Variants in UBL3 observed in about 807,000 individuals in gnomAD.
UBL3 encodes the protein ubiquitin like 3.
UBL3 carries 6 observed loss-of-function variants against 18.4 expected under a neutral mutation model. The ratio of observed to expected loss-of-function variants is 0.33; its 90% CI spans 0.18 to 0.64. UBL3 has a LOEUF of 0.64. Ranked by LOEUF, UBL3 falls within the 30% of genes least tolerant of loss-of-function variation. The pLI is 0.76. For synonymous variants in UBL3, 49 were observed against 46.6 expected, an observed-to-expected ratio of 1.05 and a Z score of -0.21; for missense variants, 109 against 142.9, an observed-to-expected ratio of 0.76 and a Z score of 1.21.
At chr13:29,772,969 T>TA (rs1364156150) in intron 2 of UBL3, among the ~76,000 whole-genome samples, 1 of 152,108 alleles carries the variant, frequency 6.6e-6, no homozygotes, top group Admixed American at 6.5e-5. Context: ...TTAAGGACAC[T>TA]AGTGTTATGA....
intron 3 of UBL3, among the ~76,000 whole-genome samples, chr13:29,769,733 A>G (rs1876788413): frequency 6.6e-6 from 1 of 152,222 alleles, no homozygotes; most frequent in Admixed American, 6.5e-5. Context: ...CTTTAATGAA[A>G]TGAAACTCTA....
At chr13:29,840,574 G>A (rs1879072764) in intron 1 of UBL3, among the ~76,000 whole-genome samples, 1 of 151,816 alleles carries the variant, frequency 6.6e-6, no homozygotes, top group South Asian at 2.1e-4. Flanking sequence ...ACTCAATGAA[G>A]TATTATCTAG....
At chr13:29,792,135 G>C (rs1246924970) in intron 1 of UBL3, among the ~76,000 whole-genome samples, 1 of 152,150 alleles carries the variant, frequency 6.6e-6, no homozygotes, top group Non-Finnish European at 1.5e-5. Context: ...TTAATACTTT[G>C]AAAGGATGAA....
chr13:29,780,367 A>AAAAAAT (rs1359464345), intron 1 of UBL3, among the ~76,000 whole-genome samples: 17 of 103,282 alleles, frequency 1.6e-4, no homozygotes, highest in East Asian at 7.7e-4. Flanking sequence ...AAAAAAAAAA[A>AAAAAAT]ATATATATAT....
At chr13:29,778,602 A>C (rs1008021005) in intron 1 of UBL3, among the ~76,000 whole-genome samples, 1 of 152,098 alleles carries the variant, frequency 6.6e-6, no homozygotes, top group Non-Finnish European at 1.5e-5. Flanking sequence ...TTTAGTTACT[A>C]ATTTTTTTTC....
chr13:29,846,263 ATGT>A (rs1879226601), intron 1 of UBL3, among the ~76,000 whole-genome samples: 1 of 152,142 alleles, frequency 6.6e-6, no homozygotes, highest in Admixed American at 6.5e-5. Context: ...CTACACTAAG[ATGT>A]TATTAAATCT....
intron 1 of UBL3, among the ~76,000 whole-genome samples, chr13:29,788,878 CGCGCGCACGCGCACGTGTGTGCGT>C (rs762278869): frequency 0.046 from 1,408 of 30,920 alleles, 9 homozygotes; most frequent in Non-Finnish European, 0.093. Flanking sequence ...TGTGCGCGCG[CGCGCGCACGCGCACGTGTGTGCGT>C]GTGTGTGTGT....
chr13:29,824,011 T>A (rs1878550674), intron 1 of UBL3, among the ~76,000 whole-genome samples: 1 of 152,174 alleles, frequency 6.6e-6, no homozygotes, highest in African/African-American at 2.4e-5. Context: ...TCCAGCTTCA[T>A]CCATGTCCCT....
At chr13:29,827,581 A>G (rs1045400114) in intron 1 of UBL3, among the ~76,000 whole-genome samples, 1 of 152,140 alleles carries the variant, frequency 6.6e-6, no homozygotes. Flanking sequence ...GTCTCTGCAC[A>G]TGAGATGGGT....
chr13:29,849,635 C>G lies in UBL3; in HGVS notation c.-97G>C. 1 of 1,506,782 alleles carries G rather than the reference C, an allele frequency of 6.6e-7. No individual in the cohort carries two copies. Among genetic ancestry groups the G allele is most frequent in the South Asian group, 1.1e-5 (1 of 88,338 alleles). 93.3% of individuals were successfully genotyped at this position (1,506,782 alleles called of 1,614,324 possible). A position where few individuals can be genotyped will look rare whatever the true frequency, so the allele number is the denominator to read the frequency against. ...TTACAGAAATAAACCACGATTTTGACTGGTTCGTGATGTGCTTTCTCCCCC... is the reference window on the plus strand; with the variant it reads ...TTACAGAAATAAACCACGATTTTGAGTGGTTCGTGATGTGCTTTCTCCCCC... On this transcript the variant is annotated 5_prime_UTR_variant, in exon 1 of 5. Transcript: ENST00000380680.
intron 1 of UBL3, among the ~76,000 whole-genome samples, chr13:29,785,934 C>T (rs971170942): frequency 6.6e-6 from 1 of 152,154 alleles, no homozygotes; most frequent in African/African-American, 2.4e-5. Context: ...AGCAGTGGGT[C>T]TGAGATTCCT....
intron 1 of UBL3, among the ~76,000 whole-genome samples, chr13:29,826,887 T>A (rs1190545833): frequency 6.6e-6 from 1 of 152,224 alleles, no homozygotes; most frequent in Non-Finnish European, 1.5e-5. Flanking sequence ...ATGTTGTGTC[T>A]TTGTTCTCAT....
intron 1 of UBL3, among the ~76,000 whole-genome samples, chr13:29,826,725 A>T (rs1878629822): frequency 6.6e-6 from 1 of 152,062 alleles, no homozygotes; most frequent in Non-Finnish European, 1.5e-5. Context: ...GCCTTCTGCT[A>T]GCTTTTGAAT....
chr13:29,801,639 TACTGCCCTTGTTGCCCTCGG>T (rs1194051568), intron 1 of UBL3, among the ~76,000 whole-genome samples: 1 of 152,184 alleles, frequency 6.6e-6, no homozygotes, highest in Non-Finnish European at 1.5e-5. Flanking sequence ...ACTTCAGTTG[TACTGCCCTTGTTGCCCTCGG>T]ACCGGGGAAG....
At chr13:29,831,840 C>A (rs1159006901) in intron 1 of UBL3, among the ~76,000 whole-genome samples, 2 of 152,032 alleles carry the variant, frequency 1.3e-5, no homozygotes, top group African/African-American at 4.8e-5. Context: ...CAAAAAAAGT[C>A]AAAGATCTTT....
At position 29,787,832 on chromosome 13, in the gene UBL3, G is replaced by T. The variant is rs910894396; in HGVS notation, c.28-10569C>A. 3.3e-5 allele frequency among the ~76,000 whole-genome samples: 5 copies of T among 152,138 alleles called. No homozygotes were observed. The East Asian group carries it at 9.6e-4, about 29-fold the overall frequency. ...GTACAATTGTTTCTGTCACCCAAAT[G>T]CTGAAGATACTAAACTAAGAAAGGA... On this transcript the variant is annotated intron_variant, in intron 1 of 4. Transcript: ENST00000380680.
chr13:29,771,841 T>C (rs550408732), intron 3 of UBL3, among the ~76,000 whole-genome samples: 2 of 152,158 alleles, frequency 1.3e-5, no homozygotes, highest in Admixed American at 6.6e-5. Flanking sequence ...TTTGGAAATA[T>C]AATAACGTTA....
intron 1 of UBL3, among the ~76,000 whole-genome samples, chr13:29,783,344 T>C (rs1877227647): frequency 6.6e-6 from 1 of 152,232 alleles, no homozygotes; most frequent in Admixed American, 6.5e-5. Flanking sequence ...TTAATAGATA[T>C]AGACAATTAA....
chr13:29,802,597 T>C (rs1325026721), intron 1 of UBL3, among the ~76,000 whole-genome samples: 4 of 152,160 alleles, frequency 2.6e-5, no homozygotes, highest in Non-Finnish European at 5.9e-5. Context: ...AAGTGGTCAT[T>C]ATAAGAAATG....
Sources: allele counts gnomAD v4.1 joint callset (sites outside exome capture counted in the v4.1 genomes callset), GRCh38; gene constraint gnomAD v4.1.1; transcripts MANE v1.5; gene names NCBI Gene and HGNC (gene_info 2026-07-23, HGNC 2026-07-21).